Variants in MBP observed in about 807,000 individuals in gnomAD.
MBP encodes Golli-MBP.
Under a neutral mutation model 35.8 loss-of-function variants are expected in MBP, and 16 were observed. The ratio of observed to expected loss-of-function variants is 0.45; its 90% CI spans 0.30 to 0.68. MBP has a LOEUF of 0.68. Among genes scored for constraint, MBP ranks in the 30% least tolerant of loss-of-function variants. MBP has a pLI of 0.08. For missense variants in MBP, 380 were observed against 404.7 expected, an observed-to-expected ratio of 0.94 and a Z score of 0.52; for synonymous variants, 143 against 159.6, an observed-to-expected ratio of 0.90 and a Z score of 0.78.
chr18:76,986,822 T>C (rs1969584579), intron 7 of MBP: 5 of 985,466 alleles, frequency 5.1e-6, no homozygotes, highest in African/African-American at 3.5e-5. Context: ...AATCCGGGGA[T>C]TGACTTTCAG....
At chr18:77,012,703 A>G in intron 4 of MBP, 1 of 834,824 alleles carries the variant, frequency 1.2e-6, no homozygotes, top group Non-Finnish European at 1.4e-6. Context: ...GGCCACAAAA[A>G]TGCCGGCAAC....
intron 1 of MBP, among the ~76,000 whole-genome samples, chr18:77,127,116 C>G (rs62104560): frequency 0.13 from 20,125 of 152,228 alleles, 1,592 homozygotes; most frequent in Middle Eastern, 0.23. Flanking sequence ...GAAGTCACTC[C>G]ACCTGATTAA....
chr18:77,028,789 G>A (rs1270226821), intron 3 of MBP, among the ~76,000 whole-genome samples: 1 of 99,548 alleles, frequency 1.0e-5, no homozygotes, highest in Non-Finnish European at 2.6e-5. Context: ...TGGCTGCTGG[G>A]CGGAGGGACT....
chr18:77,100,119 G>A (rs1388131343), intron 2 of MBP, among the ~76,000 whole-genome samples: 1 of 152,224 alleles, frequency 6.6e-6, no homozygotes, highest in Non-Finnish European at 1.5e-5. Flanking sequence ...GACTGCATTT[G>A]GAAATGGTGC....
At chr18:77,019,615 C>T (rs370352574) in intron 3 of MBP, among the ~76,000 whole-genome samples, 1 of 152,130 alleles carries the variant, frequency 6.6e-6, no homozygotes, top group South Asian at 2.1e-4. Context: ...AGTTTGAAGC[C>T]CCCAGCATAT....
At chr18:77,051,741 A>T (rs560546174) in intron 3 of MBP, among the ~76,000 whole-genome samples, 1 of 152,354 alleles carries the variant, frequency 6.6e-6, no homozygotes, top group South Asian at 2.1e-4. Flanking sequence ...ATGAATATGG[A>T]AAGCAGTGGT....
At chr18:77,098,427 G>A (rs1040265259) in intron 2 of MBP, among the ~76,000 whole-genome samples, 1 of 151,990 alleles carries the variant, frequency 6.6e-6, no homozygotes, top group African/African-American at 2.4e-5. Flanking sequence ...ATGCAGAGTG[G>A]GCACATAATA....
intron 4 of MBP, among the ~76,000 whole-genome samples, chr18:77,001,369 G>A (rs77207577): frequency 0.014 from 2,070 of 152,078 alleles, 40 homozygotes; most frequent in African/African-American, 0.048. Flanking sequence ...TCGGCCCAGC[G>A]TAGCCTGACA....
chr18:77,014,366 T>G, intron 4 of MBP: 1 of 985,256 alleles, frequency 1.0e-6, no homozygotes. Flanking sequence ...ATGGGGGGGC[T>G]CCACTCAGAG....
chr18:77,039,037 G>A (rs1972882407), intron 3 of MBP, among the ~76,000 whole-genome samples: 1 of 152,182 alleles, frequency 6.6e-6, no homozygotes, highest in African/African-American at 2.4e-5. Flanking sequence ...AAGAAAAATA[G>A]TATTTTGTGA....
chr18:77,069,535 C>T (rs1207916242), intron 2 of MBP, among the ~76,000 whole-genome samples: 1 of 152,222 alleles, frequency 6.6e-6, no homozygotes, highest in Admixed American at 6.5e-5. Flanking sequence ...CCAGTAGTGT[C>T]CTCCCATTGG....
chr18:76,986,112 G>A (rs1024876137), intron 7 of MBP: 4 of 985,592 alleles, frequency 4.1e-6, no homozygotes, highest in Non-Finnish European at 3.6e-6. Flanking sequence ...GTCCTCCCAC[G>A]GTGGGTGCAC....
intron 7 of MBP, chr18:76,987,676 A>G: frequency 8.1e-6 from 8 of 990,140 alleles, no homozygotes; most frequent in Non-Finnish European, 9.6e-6. Flanking sequence ...GCAGTTTCGG[A>G]GACAGACACA....
At chr18:77,001,294 G>T (rs546200544) in intron 4 of MBP, among the ~76,000 whole-genome samples, 1 of 152,238 alleles carries the variant, frequency 6.6e-6, no homozygotes, top group South Asian at 2.1e-4. Context: ...GGGTGTGCCC[G>T]CGTTTCTCTT....
intron 2 of MBP, among the ~76,000 whole-genome samples, chr18:77,091,820 A>C (rs1975539824): frequency 6.6e-6 from 1 of 151,812 alleles, no homozygotes; most frequent in East Asian, 1.9e-4. Context: ...ACAGACACAC[A>C]CCCGCACATG....
intron 2 of MBP, among the ~76,000 whole-genome samples, chr18:77,069,461 C>T (rs551764754): frequency 1.9e-4 from 29 of 152,296 alleles, no homozygotes; most frequent in African/African-American, 6.5e-4. Flanking sequence ...CAGCTACCGT[C>T]GTTATTGATC....
At chr18:77,025,710 T>TTTTTTTTTTTTG (rs1972190243) in intron 3 of MBP, among the ~76,000 whole-genome samples, 1 of 146,280 alleles carries the variant, frequency 6.8e-6, no homozygotes, top group African/African-American at 2.6e-5. Flanking sequence ...AAATACTTTT[T>TTTTTTTTTTTTG]TTTTTTTTTT....
chr18:77,062,452 G>A (rs1599166646), intron 3 of MBP, among the ~76,000 whole-genome samples: 1 of 150,756 alleles, frequency 6.6e-6, no homozygotes, highest in South Asian at 2.1e-4. Flanking sequence ...GCCTTAGAGT[G>A]TTTTCTTCCT....
At chr18:77,025,705 C>CTTTTTTTGTTTT (rs1972186574) in intron 3 of MBP, among the ~76,000 whole-genome samples, 1 of 108,830 alleles carries the variant, frequency 9.2e-6, no homozygotes, top group East Asian at 3.4e-4. Flanking sequence ...TATTGAAATA[C>CTTTTTTTGTTTT]TTTTTTTTTT....
Sources: gnomAD v4.1 joint callset for allele counts (sites outside exome capture counted in the v4.1 genomes callset) on GRCh38, gnomAD v4.1.1 for gene constraint, MANE v1.5 for transcripts, NCBI Gene and HGNC (gene_info 2026-07-23, HGNC 2026-07-21) for gene names.